Variants in SLC16A9 observed in about 807,000 individuals in gnomAD.
SLC16A9 encodes solute carrier family 16 member 9.
SLC16A9 carries 26 observed loss-of-function variants against 44.3 expected under a neutral mutation model. That is an observed-to-expected ratio of 0.59 (90% confidence interval 0.43 to 0.81). The LOEUF is 0.81. Among genes scored for constraint, SLC16A9 ranks in the 40% least tolerant of loss-of-function variants. The pLI is 0.00. For missense variants in SLC16A9, 559 were observed against 595.8 expected (o/e 0.94, Z 0.64); for synonymous variants, 230 against 225.1 (o/e 1.02, Z -0.19).
chr10:59,655,432 T>C (rs761014544), intron 4 of SLC16A9, among the ~76,000 whole-genome samples: 1 of 152,246 alleles, frequency 6.6e-6, no homozygotes, highest in African/African-American at 2.4e-5. Flanking sequence ...TTAAAAATAG[T>C]ATATTGCAGT....
Position 59,659,173 on chromosome 10 carries a change from C to A in SLC16A9, c.437-4584G>T, listed in dbSNP as rs527546993. 3.9e-5 allele frequency among the ~76,000 whole-genome samples: 6 copies of A among 152,158 alleles called. No homozygotes were observed. In the South Asian group the frequency reaches 1.0e-3, roughly 26 times the overall value. On this transcript the variant is annotated intron_variant, in intron 4 of 5. Coordinates refer to ENST00000395348, the MANE Select transcript of SLC16A9 (RefSeq NM_194298.3). Reference sequence around the variant, plus strand: ...TTAAAAATTATATTTTATATTTTCCCCCTCAGTGATCATCTCTTGATTACT... The same window carrying A: ...TTAAAAATTATATTTTATATTTTCCACCTCAGTGATCATCTCTTGATTACT...
In SLC16A9 at chr10:59,653,972, T is replaced by C; in HGVS notation, c.1054A>G (p.Met352Val). The C allele has an allele frequency of 6.2e-7, 1 of 1,613,934 alleles. No individual in the cohort carries two copies. Among genetic ancestry groups the C allele is most frequent in the South Asian group, 1.1e-5 (1 of 91,080 alleles). ...IMPLISIIGI[M>V]TAVGKLLLGI... ...AAAAGCAGTTTACCAACTGCTGTCATAATGCCTATAATGGAAATAAGTGGC... is the reference window on the plus strand; with the variant it reads ...AAAAGCAGTTTACCAACTGCTGTCACAATGCCTATAATGGAAATAAGTGGC... Residue 352 changes from methionine (M) to valine (V), a missense_variant, in exon 5 of 6, where the codon ATG (methionine) becomes GTG (valine). By Grantham distance (21) the Met-to-Val change is conservative. Coordinates refer to ENST00000395348, the MANE Select transcript of SLC16A9 (RefSeq NM_194298.3).
chr10:59,665,541 T>G (rs1213233029), intron 3 of SLC16A9, among the ~76,000 whole-genome samples: 2 of 152,180 alleles, frequency 1.3e-5, no homozygotes, highest in African/African-American at 2.4e-5. Flanking sequence ...AGTGCCCTTT[T>G]ATGTCATTTA....
In SLC16A9 at chr10:59,652,016, A is replaced by C. The variant is rs1839211803; in HGVS notation, c.*756T>G. ...GGAAACATCAGCTGAGTGGATGGCC[A>C]AGAAGCAAAAGTGAGCAAGGTTGGA... On this transcript the variant is annotated 3_prime_UTR_variant, in exon 6 of 6. Coordinates refer to ENST00000395348, the MANE Select transcript of SLC16A9 (RefSeq NM_194298.3). The C allele has an allele frequency of 6.6e-6, 1 of 152,206 alleles. No homozygotes were observed. The highest frequency in any genetic ancestry group is 6.5e-5 in the Admixed American group (1 of 15,282). The allele number at this position is 152,206 out of a possible 1,614,324, so 9.4% of individuals were successfully genotyped here. A position where few individuals can be genotyped will look rare whatever the true frequency, so the allele number is the denominator to read the frequency against.
At chr10:59,688,942 C>T (rs963245673) in intron 1 of SLC16A9, among the ~76,000 whole-genome samples, 5 of 151,976 alleles carry the variant, frequency 3.3e-5, no homozygotes, top group Non-Finnish European at 7.4e-5. Flanking sequence ...ACAAAAATGC[C>T]TTTCTACACC....
chr10:59,680,462 A>G (rs929147036), intron 2 of SLC16A9, among the ~76,000 whole-genome samples: 1 of 152,176 alleles, frequency 6.6e-6, no homozygotes, highest in Non-Finnish European at 1.5e-5. Context: ...TTCATCCTGA[A>G]TGGTCCCTTT....
At chr10:59,697,115 T>G (rs1432387890) in intron 1 of SLC16A9, among the ~76,000 whole-genome samples, 572 of 54,258 alleles carry the variant, frequency 0.011, 42 homozygotes, top group African/African-American at 0.035. Context: ...GGTGGGGGGG[T>G]TCAGCCCCCC....
chr10:59,688,461 T>C (rs1840182100), intron 1 of SLC16A9, among the ~76,000 whole-genome samples: 1 of 152,140 alleles, frequency 6.6e-6, no homozygotes, highest in Non-Finnish European at 1.5e-5. Context: ...ACTGTAGGTA[T>C]AAAATCTAGA....
At chr10:59,671,656 A>G (rs1172553415) in intron 3 of SLC16A9, among the ~76,000 whole-genome samples, 1 of 152,230 alleles carries the variant, frequency 6.6e-6, no homozygotes, top group Non-Finnish European at 1.5e-5. Context: ...CAACGCCATC[A>G]TAGTGAGGAA....
At chr10:59,693,285 T>C (rs1840291812) in intron 1 of SLC16A9, among the ~76,000 whole-genome samples, 1 of 152,216 alleles carries the variant, frequency 6.6e-6, no homozygotes, top group African/African-American at 2.4e-5. Context: ...TTAGCAAATG[T>C]CATCATGTTA....
chr10:59,655,296 C>CAAAT (rs1257021988), intron 4 of SLC16A9, among the ~76,000 whole-genome samples: 1 of 152,020 alleles, frequency 6.6e-6, no homozygotes. Flanking sequence ...CTCAAACAAG[C>CAAAT]AAACAAACAA....
At chr10:59,676,758 A>C (rs1197170417) in intron 2 of SLC16A9, among the ~76,000 whole-genome samples, 1 of 152,060 alleles carries the variant, frequency 6.6e-6, no homozygotes, top group African/African-American at 2.4e-5. Context: ...CCCTGCCTCT[A>C]CTAAAAATAC....
chr10:59,683,722 C>T (rs1411974903), intron 2 of SLC16A9, among the ~76,000 whole-genome samples: 1 of 152,192 alleles, frequency 6.6e-6, no homozygotes, highest in Non-Finnish European at 1.5e-5. Flanking sequence ...ATACCTGGAT[C>T]ACTACCTTCA....
At chr10:59,692,825 A>G (rs1023679434) in intron 1 of SLC16A9, among the ~76,000 whole-genome samples, 1 of 152,238 alleles carries the variant, frequency 6.6e-6, no homozygotes, top group Admixed American at 6.5e-5. Flanking sequence ...CCTAAAAACA[A>G]ACAAAAAAAT....
At position 59,681,663 on chromosome 10, in the gene SLC16A9, G is replaced by GATGTAT. The variant is rs1554871540; in HGVS notation, c.196+2427_196+2432dup. Among the ~76,000 whole-genome samples the GATGTAT allele has an allele frequency of 1.5e-3, 4 of 2,732 alleles. 2 individuals are homozygous for GATGTAT. The highest frequency in any genetic ancestry group is 1.6e-3 in the African/African-American group (4 of 2,436). The allele number at this position is 2,732 out of a possible 152,430, so 1.8% of individuals were successfully genotyped here. A position where few individuals can be genotyped will look rare whatever the true frequency, so the allele number is the denominator to read the frequency against. The stretch of plus-strand genomic sequence containing the variant: ...TGTGTATGTGTATGTATATGTATAT[G>GATGTAT]ATGTATATGTATATGTATATGTATA... On this transcript the variant is annotated intron_variant, in intron 2 of 5. Coordinates refer to ENST00000395348, the MANE Select transcript of SLC16A9 (RefSeq NM_194298.3).
chr10:59,653,029 T>G, intron 5 of SLC16A9, 79 bp from the exon 6 acceptor site: 1 of 1,049,264 alleles, frequency 9.5e-7, no homozygotes, highest in African/African-American at 1.6e-5. Context: ...TATATCAGTT[T>G]TATATATAGT....
Position 59,654,208 on chromosome 10 carries a change from G to A in SLC16A9, c.818C>T (p.Ala273Val), listed in dbSNP as rs1564694101. Residue 273 changes from alanine (A) to valine (V), a missense_variant, in exon 5 of 6, where the codon GCA (alanine) becomes GTA (valine). Ala to Val is a moderately conservative substitution (Grantham distance 64, BLOSUM62 0). Coordinates refer to ENST00000395348, the MANE Select transcript of SLC16A9 (RefSeq NM_194298.3). ...CTGTTTGCAAAAATATGTCTGTTCTGCAACTTTCTTTTTGTACGTTTCAGG... is the reference window on the plus strand; with the variant it reads ...CTGTTTGCAAAAATATGTCTGTTCTACAACTTTCTTTTTGTACGTTTCAGG... Reference protein sequence around the residue: ...KEPETYKKKVAEQTYFCKQLA... With the variant: ...KEPETYKKKVVEQTYFCKQLA... The A allele has an allele frequency of 6.2e-7, 1 of 1,614,056 alleles. No homozygotes were observed.
chr10:59,707,794 T>C (rs1046879028), intron 1 of SLC16A9, among the ~76,000 whole-genome samples: 1 of 152,164 alleles, frequency 6.6e-6, no homozygotes, highest in Non-Finnish European at 1.5e-5. Context: ...ATCTCTGTAG[T>C]TGTCATCCTC....
intron 2 of SLC16A9, among the ~76,000 whole-genome samples, chr10:59,680,630 A>C (rs1449932077): frequency 6.6e-6 from 1 of 152,170 alleles, no homozygotes; most frequent in Non-Finnish European, 1.5e-5. Context: ...TAAAATTTAA[A>C]TATAGAGGGC....
Sources: allele counts gnomAD v4.1 joint callset (sites outside exome capture counted in the v4.1 genomes callset), GRCh38; gene constraint gnomAD v4.1.1; transcripts MANE v1.5; gene names NCBI Gene and HGNC (gene_info 2026-07-23, HGNC 2026-07-21).